The following GPCPD1 variants were observed in gnomAD, a reference collection of about 807,000 sequenced individuals.
GPCPD1 encodes the protein glycerophosphocholine phosphodiesterase GPCPD1.
In GPCPD1, 29 loss-of-function variants were observed where a neutral mutation model predicts 89.2. The observed-to-expected ratio is 0.33, with a 90% CI of 0.24 to 0.44. The LOEUF (loss-of-function observed/expected upper bound fraction) is 0.44, where lower values mean the gene tolerates loss of function less well. Ranked by LOEUF, GPCPD1 falls within the 20% of genes least tolerant of loss-of-function variation. The pLI is 1.00. For synonymous variants in GPCPD1, 258 were observed against 266.3 expected (o/e 0.97, Z 0.30); for missense variants, 594 against 808.9 (o/e 0.73, Z 3.22).
chr20:5,603,743 A>AT, intron 2 of GPCPD1, among the ~76,000 whole-genome samples: 1 of 146,314 alleles, frequency 6.8e-6, no homozygotes, highest in Non-Finnish European at 1.5e-5. Context: ...TCACCAACTT[A>AT]TTCTTTTTTT....
At chr20:5,550,390 A>G (rs1410750671) in intron 19 of GPCPD1, among the ~76,000 whole-genome samples, 2 of 152,106 alleles carry the variant, frequency 1.3e-5, no homozygotes, top group African/African-American at 4.8e-5. Flanking sequence ...AAAATCAAGA[A>G]AATTGAAAGG....
intron 15 of GPCPD1, among the ~76,000 whole-genome samples, chr20:5,562,414 C>A (rs990402237): frequency 4.6e-5 from 7 of 152,166 alleles, no homozygotes; most frequent in African/African-American, 1.7e-4. Context: ...TCCCAAGTAG[C>A]TGGGATTACA....
chr20:5,585,986 G>C, intron 5 of GPCPD1: 2 of 426,274 alleles, frequency 4.7e-6, no homozygotes, highest in Admixed American at 4.0e-5. Flanking sequence ...AAAATATCTA[G>C]GTAAATATTT....
intron 8 of GPCPD1, among the ~76,000 whole-genome samples, chr20:5,577,560 TTATA>T (rs1476095354): frequency 6.6e-6 from 1 of 152,142 alleles, no homozygotes; most frequent in African/African-American, 2.4e-5. Flanking sequence ...TTTCATACTT[TTATA>T]ATAGAGTCCC....
intron 2 of GPCPD1, 45 bp from the exon 3 acceptor site, chr20:5,598,866 T>C (rs762261444): frequency 1.7e-6 from 2 of 1,203,126 alleles, no homozygotes; most frequent in African/African-American, 1.5e-5. Flanking sequence ...GAACAATCAG[T>C]CACAGTGGGA....
intron 14 of GPCPD1, 57 bp from the exon 15 acceptor site, chr20:5,565,135 C>A (rs939604570): frequency 3.4e-6 from 3 of 879,482 alleles, no homozygotes; most frequent in African/African-American, 1.7e-5. Context: ...TCACTAAGAG[C>A]TTTCTTAAAT....
chr20:5,579,687 G>A (rs550049799), intron 7 of GPCPD1, among the ~76,000 whole-genome samples: 6 of 152,266 alleles, frequency 3.9e-5, no homozygotes, highest in East Asian at 3.9e-4. Flanking sequence ...GAGCCAACAC[G>A]CCCGACACAT....
chr20:5,583,238 A>G (rs1404746072), intron 6 of GPCPD1, among the ~76,000 whole-genome samples: 1 of 150,920 alleles, frequency 6.6e-6, no homozygotes, highest in Non-Finnish European at 1.5e-5. Context: ...AAAAAAAAAA[A>G]AAAAAAAAAA....
intron 6 of GPCPD1, 96 bp downstream of exon 6, chr20:5,584,185 T>C (rs1341076872): frequency 3.0e-6 from 2 of 673,538 alleles, no homozygotes; most frequent in Admixed American, 4.8e-5. Context: ...CACATGACTG[T>C]ATGTTCTATT....
At chr20:5,556,174 C>T (rs544183635) in intron 19 of GPCPD1, among the ~76,000 whole-genome samples, 6 of 152,228 alleles carry the variant, frequency 3.9e-5, no homozygotes, top group East Asian at 1.9e-4. Flanking sequence ...TCAGACACAA[C>T]GCTACTGTAC....
intron 17 of GPCPD1, 75 bp downstream of exon 17, chr20:5,559,865 C>A: frequency 1.3e-6 from 1 of 742,638 alleles, no homozygotes. Context: ...TGGACAACTA[C>A]CCCACCTCCA....
intron 13 of GPCPD1, 139 bp from the exon 14 acceptor site, chr20:5,566,911 A>T (rs565751489): frequency 2.1e-5 from 13 of 633,974 alleles, no homozygotes. Flanking sequence ...AAGAATAAGC[A>T]CTAGCCACTA....
At chr20:5,566,440 T>C (rs1247246036) in intron 14 of GPCPD1, among the ~76,000 whole-genome samples, 2 of 152,228 alleles carry the variant, frequency 1.3e-5, no homozygotes, top group African/African-American at 4.8e-5. Context: ...AGCCGGATTC[T>C]ATAGTTGATT....
At chr20:5,585,546 A>G (rs1235029899) in intron 5 of GPCPD1, 1 of 151,806 alleles carries the variant, frequency 6.6e-6, no homozygotes, top group Non-Finnish European at 1.5e-5. Flanking sequence ...ATTCAAAAAT[A>G]CTTGTATGAA....
At chr20:5,575,321 A>G in intron 10 of GPCPD1, 92 bp downstream of exon 10, 2 of 892,384 alleles carry the variant, frequency 2.2e-6, no homozygotes, top group Non-Finnish European at 1.7e-6. Flanking sequence ...TAAATAATAA[A>G]AACATCATTT....
At chr20:5,585,275 A>G (rs1439977128) in intron 5 of GPCPD1, 2 of 152,186 alleles carry the variant, frequency 1.3e-5, no homozygotes, top group Admixed American at 1.3e-4. Context: ...ATTAAAACAT[A>G]CAAAAAGAAA....
intron 3 of GPCPD1, among the ~76,000 whole-genome samples, chr20:5,598,311 C>A (rs34790550): frequency 0.15 from 22,155 of 152,070 alleles, 1,706 homozygotes; most frequent in South Asian, 0.19. Flanking sequence ...GAGGCTGAGG[C>A]GCAAGGATCG....
Position 5,567,480 on chromosome 20 carries a change from T to C in GPCPD1, c.1227+3A>G. On this transcript the variant is annotated splice_donor_region_variant and intron_variant, in intron 13 of 19. Coordinates refer to ENST00000379019, the MANE Select transcript of GPCPD1 (RefSeq NM_019593.5). ...AATTTACATTTCATGTTATTATTAC[T>C]ACCTTTAACAACTGGAGTTGGTCAA... The C allele has an allele frequency of 6.4e-7, 1 of 1,564,594 alleles. No individual in the cohort carries two copies. Among genetic ancestry groups the C allele is most frequent in the Middle Eastern group, 1.7e-4 (1 of 5,808 alleles).
chr20:5,594,188 G>C (rs1182717440), intron 3 of GPCPD1, among the ~76,000 whole-genome samples: 1 of 152,176 alleles, frequency 6.6e-6, no homozygotes, highest in Admixed American at 6.5e-5. Context: ...ATTAGTAGCT[G>C]GGAGCTTCTT....
Sources: allele counts gnomAD v4.1 joint callset (sites outside exome capture counted in the v4.1 genomes callset), GRCh38; gene constraint gnomAD v4.1.1; transcripts MANE v1.5; gene names NCBI Gene and HGNC (gene_info 2026-07-23, HGNC 2026-07-21).